Variants in SLC24A3 observed in about 807,000 individuals in gnomAD.
The protein encoded by SLC24A3 is sodium/potassium/calcium exchanger 3.
Under a neutral mutation model 75.8 loss-of-function variants are expected in SLC24A3, and 28 were observed. That is an observed-to-expected ratio of 0.37 (90% CI 0.27 to 0.51). SLC24A3 has a LOEUF of 0.51. SLC24A3 is among the 20% of genes least tolerant of loss of function. The probability of loss-of-function intolerance (pLI) is 0.94; values close to 1 mark genes in which losing one functional copy is unlikely to be tolerated. For missense variants in SLC24A3, 663 were observed against 847.8 expected (o/e 0.78, Z 2.71); for synonymous variants, 372 against 334.1 (o/e 1.11, Z -1.24).
intron 2 of SLC24A3, among the ~76,000 whole-genome samples, chr20:19,448,154 C>A (rs552175301): frequency 6.6e-5 from 10 of 152,232 alleles, no homozygotes; most frequent in Non-Finnish European, 1.5e-4. Context: ...GCCCCTCTTG[C>A]ACATGCCAGG....
intron 2 of SLC24A3, among the ~76,000 whole-genome samples, chr20:19,329,640 G>T (rs1244605091): frequency 3.9e-5 from 6 of 152,346 alleles, no homozygotes. Flanking sequence ...TGCCTAGTTT[G>T]CAGGGCAGTG....
intron 6 of SLC24A3, among the ~76,000 whole-genome samples, chr20:19,648,278 T>C (rs2032161563): frequency 6.6e-6 from 1 of 152,208 alleles, no homozygotes; most frequent in African/African-American, 2.4e-5. Flanking sequence ...CTGTGTTTCC[T>C]GAGATGAGAA....
In SLC24A3 at chr20:19,261,101, G is replaced by T. The variant is rs77716055; in HGVS notation, c.143-19858G>T. Among the ~76,000 whole-genome samples, 62 of 152,284 alleles carry T rather than the reference G, an allele frequency of 4.1e-4. No individual in the cohort carries two copies. In the East Asian group the frequency reaches 0.012, roughly 29 times the overall value. ...CAAATCAGACACCACCTTTCACAGT[G>T]CCTTTTCTGGCTTCACTGAACCTCT... On this transcript the variant is annotated intron_variant, in intron 1 of 16. Coordinates refer to ENST00000328041, the MANE Select transcript of SLC24A3 (RefSeq NM_020689.4).
At chr20:19,514,057 C>T (rs972015120) in intron 2 of SLC24A3, among the ~76,000 whole-genome samples, 6 of 152,218 alleles carry the variant, frequency 3.9e-5, no homozygotes, top group African/African-American at 1.4e-4. Flanking sequence ...CCAAACACTT[C>T]GTGTGGCTCC....
chr20:19,337,916 G>T (rs1033166032), intron 2 of SLC24A3, among the ~76,000 whole-genome samples: 1 of 152,136 alleles, frequency 6.6e-6, no homozygotes, highest in Non-Finnish European at 1.5e-5. Flanking sequence ...TGTTCATAGG[G>T]TGGTGGCAGG....
At chr20:19,319,578 G>A (rs2122273943) in intron 2 of SLC24A3, among the ~76,000 whole-genome samples, 1 of 152,336 alleles carries the variant, frequency 6.6e-6, no homozygotes, top group South Asian at 2.1e-4. Flanking sequence ...TAGACTCCTT[G>A]CCCTGGAAGC....
At chr20:19,522,786 GTTT>G (rs10714454) in intron 3 of SLC24A3, among the ~76,000 whole-genome samples, 92 of 148,714 alleles carry the variant, frequency 6.2e-4, no homozygotes, top group African/African-American at 7.4e-4. Context: ...CTCCTGCAGG[GTTT>G]TTTTTTTTTT....
intron 1 of SLC24A3, among the ~76,000 whole-genome samples, chr20:19,222,729 TC>T (rs1169884594): frequency 1.3e-5 from 2 of 151,302 alleles, no homozygotes; most frequent in East Asian, 4.0e-4. Flanking sequence ...CTTCCTTCCT[TC>T]CTTCCTTCCC....
intron 2 of SLC24A3, among the ~76,000 whole-genome samples, chr20:19,440,712 C>T (rs1195580766): frequency 7.1e-6 from 1 of 141,108 alleles, no homozygotes; most frequent in Admixed American, 7.5e-5. Flanking sequence ...AGTAGAATTT[C>T]AGCTACTAGA....
intron 3 of SLC24A3, among the ~76,000 whole-genome samples, chr20:19,525,808 AG>A (rs529671566): frequency 6.6e-5 from 10 of 152,146 alleles, no homozygotes; most frequent in Non-Finnish European, 1.5e-4. Context: ...CCTAGGCTTC[AG>A]CTGAAGCTCC....
chr20:19,499,918 G>A (rs573183097), intron 2 of SLC24A3, among the ~76,000 whole-genome samples: 232 of 151,888 alleles, frequency 1.5e-3, no homozygotes, highest in African/African-American at 5.3e-3. Context: ...TTGTGCATTT[G>A]TGTGTGTGTG....
chr20:19,657,213 T>A (rs761441586), intron 7 of SLC24A3, among the ~76,000 whole-genome samples: 8 of 152,218 alleles, frequency 5.3e-5, no homozygotes, highest in Non-Finnish European at 1.0e-4. Context: ...TCTCCACTGT[T>A]AAGAAGAAAT....
intron 2 of SLC24A3, among the ~76,000 whole-genome samples, chr20:19,295,979 T>C (rs1984050749): frequency 6.6e-6 from 1 of 152,172 alleles, no homozygotes; most frequent in Admixed American, 6.5e-5. Flanking sequence ...TATAAATCTG[T>C]CTGGTCCTGG....
intron 2 of SLC24A3, among the ~76,000 whole-genome samples, chr20:19,394,509 G>T (rs569457455): frequency 8.5e-5 from 13 of 152,176 alleles, no homozygotes; most frequent in Non-Finnish European, 1.8e-4. Flanking sequence ...ACATCTAAAA[G>T]CAAATGAGAA....
chr20:19,696,404 C>T (rs2032806158), intron 13 of SLC24A3: 1 of 167,750 alleles, frequency 6.0e-6, no homozygotes, highest in Non-Finnish European at 1.3e-5. Flanking sequence ...GTGCATCCTC[C>T]CTGACATGGA....
At chr20:19,529,719 T>C (rs1037081875) in intron 3 of SLC24A3, among the ~76,000 whole-genome samples, 1 of 152,202 alleles carries the variant, frequency 6.6e-6, no homozygotes, top group Non-Finnish European at 1.5e-5. Context: ...TAATCCAGGC[T>C]CATCCCATCC....
At chr20:19,450,861 C>T (rs1393084210) in intron 2 of SLC24A3, among the ~76,000 whole-genome samples, 2 of 152,012 alleles carry the variant, frequency 1.3e-5, no homozygotes, top group Admixed American at 6.5e-5. Flanking sequence ...TAGCCGGGCA[C>T]GTTGGCTCAC....
chr20:19,337,402 C>G (rs1985160160), intron 2 of SLC24A3, among the ~76,000 whole-genome samples: 1 of 152,072 alleles, frequency 6.6e-6, no homozygotes, highest in African/African-American at 2.4e-5. Context: ...TGAAATCACA[C>G]CATTGCACTC....
intron 6 of SLC24A3, among the ~76,000 whole-genome samples, chr20:19,612,607 AGTGTGTGTGTGTGTGT>A (rs71198018): frequency 1.4e-5 from 2 of 146,832 alleles, no homozygotes; most frequent in African/African-American, 5.0e-5. Flanking sequence ...CCTTAAGAAA[AGTGTGTGTGTGTGTGT>A]GTGTGTGTGT....
Sources: allele counts gnomAD v4.1 joint callset (sites outside exome capture counted in the v4.1 genomes callset), GRCh38; gene constraint gnomAD v4.1.1; transcripts MANE v1.5; gene names NCBI Gene and HGNC (gene_info 2026-07-23, HGNC 2026-07-21).